The following RIMKLB variants were observed in gnomAD, a reference collection of about 807,000 sequenced individuals.
RIMKLB encodes ribosomal modification protein rimK like family member B, also known as beta-citrylglutamate synthase B.
Under a neutral mutation model 32.0 loss-of-function variants are expected in RIMKLB, and 7 were observed. The ratio of observed to expected loss-of-function variants is 0.22; its 90% CI spans 0.12 to 0.41. The LOEUF is 0.41. RIMKLB is among the 10% of genes least tolerant of loss of function. RIMKLB has a pLI of 1.00. For missense variants in RIMKLB, 289 were observed against 498.7 expected, an observed-to-expected ratio of 0.58 and a Z score of 4.00; for synonymous variants, 172 against 185.1, an observed-to-expected ratio of 0.93 and a Z score of 0.57.
intron 2 of RIMKLB, among the ~76,000 whole-genome samples, chr12:8,738,859 G>T (rs911989267): frequency 6.6e-6 from 1 of 152,192 alleles, no homozygotes; most frequent in African/African-American, 2.4e-5. Flanking sequence ...TTCTGAGTTA[G>T]TAGTTTTGTT....
intron 5 of RIMKLB, among the ~76,000 whole-genome samples, chr12:8,763,263 C>G (rs1389927152): frequency 6.6e-6 from 1 of 152,178 alleles, no homozygotes; most frequent in Non-Finnish European, 1.5e-5. Flanking sequence ...TGTAAGGACT[C>G]CTAGAGCTAT....
intron 1 of RIMKLB, among the ~76,000 whole-genome samples, chr12:8,706,280 C>T (rs1423738524): frequency 6.6e-6 from 1 of 151,556 alleles, no homozygotes; most frequent in Non-Finnish European, 1.5e-5. Context: ...GCTGGGATTA[C>T]AGGTGCCCAC....
chr12:8,762,172 C>T (rs1045803031), intron 5 of RIMKLB, among the ~76,000 whole-genome samples: 4 of 152,098 alleles, frequency 2.6e-5, no homozygotes, highest in Non-Finnish European at 5.9e-5. Context: ...GTAAAGGGAG[C>T]TACTGGTAGT....
At chr12:8,760,993 A>G (rs929848695) in intron 5 of RIMKLB, among the ~76,000 whole-genome samples, 2 of 152,154 alleles carry the variant, frequency 1.3e-5, no homozygotes, top group Non-Finnish European at 2.9e-5. Flanking sequence ...CTATCCTAAT[A>G]AGGATCCTTA....
chr12:8,699,059 A>G (rs12297119), intron 1 of RIMKLB, among the ~76,000 whole-genome samples: 32,910 of 151,736 alleles, frequency 0.22, 3,859 homozygotes, highest in Non-Finnish European at 0.27. Flanking sequence ...GTTTTATCCC[A>G]TTTGTATTGG....
chr12:8,773,252 G>C, intron 5 of RIMKLB, 69 bp from the exon 6 acceptor site: 1 of 1,126,128 alleles, frequency 8.9e-7, no homozygotes, highest in Non-Finnish European at 1.3e-6. Flanking sequence ...CTTAGCCTTG[G>C]AGGCCAACTT....
intron 2 of RIMKLB, among the ~76,000 whole-genome samples, chr12:8,716,725 CTTTTTTTTTTTT>C (rs71451981): frequency 1.7e-4 from 16 of 95,158 alleles, no homozygotes; most frequent in Non-Finnish European, 2.0e-4. Context: ...TCTTTTCCTT[CTTTTTTTTTTTT>C]TTTTTTTTTT....
intron 2 of RIMKLB, among the ~76,000 whole-genome samples, chr12:8,739,874 GA>G (rs1947339898): frequency 6.6e-6 from 1 of 152,078 alleles, no homozygotes; most frequent in Non-Finnish European, 1.5e-5. Context: ...CATTTTGGGG[GA>G]CACAAACATT....
chr12:8,697,658 T>A, upstream of RIMKLB: 1 of 273,048 alleles, frequency 3.7e-6, no homozygotes, highest in Non-Finnish European at 8.0e-6. Flanking sequence ...GGGAGGCGCG[T>A]CCTCGGAGCG....
intron 1 of RIMKLB, among the ~76,000 whole-genome samples, chr12:8,712,953 C>A (rs1464432251): frequency 6.6e-6 from 1 of 151,990 alleles, no homozygotes; most frequent in African/African-American, 2.4e-5. Flanking sequence ...GTTGCTTGTT[C>A]TGAAACTTGT....
At chr12:8,692,633 C>T (rs1258152743), upstream of RIMKLB, among the ~76,000 whole-genome samples, 2 of 152,186 alleles carry the variant, frequency 1.3e-5, no homozygotes, top group Non-Finnish European at 2.9e-5. Flanking sequence ...TGTGATTCAG[C>T]CAATGTATGG....
At chr12:8,695,968 C>T (rs1020686447), upstream of RIMKLB, among the ~76,000 whole-genome samples, 2 of 152,202 alleles carry the variant, frequency 1.3e-5, no homozygotes, top group Admixed American at 6.5e-5. Context: ...GCTGGGATTA[C>T]AGGCGTGAGC....
At chr12:8,708,474 G>A (rs1432426768) in intron 1 of RIMKLB, among the ~76,000 whole-genome samples, 1 of 152,110 alleles carries the variant, frequency 6.6e-6, no homozygotes, top group African/African-American at 2.4e-5. Flanking sequence ...CCTTTTGGAA[G>A]CTTTAAATAT....
chr12:8,734,557 C>A (rs1019015563), intron 2 of RIMKLB, among the ~76,000 whole-genome samples: 3 of 152,086 alleles, frequency 2.0e-5, no homozygotes, highest in Non-Finnish European at 1.5e-5. Context: ...TTAATGACAT[C>A]TAAGGAATCA....
At chr12:8,761,748 C>G (rs1010243600) in intron 5 of RIMKLB, among the ~76,000 whole-genome samples, 8 of 152,134 alleles carry the variant, frequency 5.3e-5, no homozygotes, top group African/African-American at 1.9e-4. Flanking sequence ...TGTCAGTCCC[C>G]CCTCTCAACA....
At chr12:8,690,688 G>T (rs889950763) in intron 1 of RIMKLB, among the ~76,000 whole-genome samples, 1 of 152,204 alleles carries the variant, frequency 6.6e-6, no homozygotes, top group Non-Finnish European at 1.5e-5. Context: ...ACTTTGGAAG[G>T]CCAATGCAGG....
Position 8,713,820 on chromosome 12 carries a change from A to G in RIMKLB, c.-47A>G, listed in dbSNP as rs1307963508. Reference sequence around the variant, plus strand: ...TTTTTCTTCCATCTAGGTAGACGTTACATCCAAGAGGAAATAATCCAGGCA... The same window carrying G: ...TTTTTCTTCCATCTAGGTAGACGTTGCATCCAAGAGGAAATAATCCAGGCA... On this transcript the variant is annotated 5_prime_UTR_variant, in exon 2 of 6. Coordinates refer to ENST00000535829, the MANE Select transcript of RIMKLB (RefSeq NM_001297776.2). 6.3e-7 allele frequency: 1 copy of G among 1,592,576 alleles called. No individual in the cohort carries two copies.
chr12:8,723,595 A>C (rs759022763), intron 2 of RIMKLB, among the ~76,000 whole-genome samples: 1 of 152,286 alleles, frequency 6.6e-6, no homozygotes, highest in East Asian at 1.9e-4. Context: ...GTTAAAGCAC[A>C]ATAAAATGAG....
At chr12:8,690,369 T>G (rs1429332768) in intron 1 of RIMKLB, among the ~76,000 whole-genome samples, 1 of 152,146 alleles carries the variant, frequency 6.6e-6, no homozygotes, top group East Asian at 1.9e-4. Context: ...ACCATTATTT[T>G]TCACGTTAGT....
Sources: gnomAD v4.1 joint callset for allele counts (sites outside exome capture counted in the v4.1 genomes callset) on GRCh38, gnomAD v4.1.1 for gene constraint, MANE v1.5 for transcripts, NCBI Gene and HGNC (gene_info 2026-07-23, HGNC 2026-07-21) for gene names.